The following HAP1 variants were observed in gnomAD, a reference collection of about 807,000 sequenced individuals.
The protein encoded by HAP1 is huntingtin associated protein 1.
In HAP1, 59 loss-of-function variants were observed where a neutral mutation model predicts 60.3. The ratio of observed to expected loss-of-function variants is 0.98; its 90% CI spans 0.79 to 1.22. The LOEUF (loss-of-function observed/expected upper bound fraction) is 1.22, where lower values mean the gene tolerates loss of function less well. Ranked by LOEUF, HAP1 falls within the 50% of genes most tolerant of loss-of-function variation. The pLI, the probability that HAP1 is intolerant of heterozygous loss-of-function variation, is 0.00. For missense variants in HAP1, 825 were observed against 785.3 expected (o/e 1.05, Z -0.60); for synonymous variants, 346 against 330.6 (o/e 1.05, Z -0.50).
At chr17:41,727,946 G>T in intron 7 of HAP1, 110 bp from the exon 8 acceptor site, 3 of 746,190 alleles carry the variant, frequency 4.0e-6, no homozygotes, top group East Asian at 2.5e-5. Flanking sequence ...GGCAGCCCAT[G>T]AAATGACAAG....
chr17:41,732,615 C>G, intron 2 of HAP1, 104 bp downstream of exon 2: 1 of 1,161,366 alleles, frequency 8.6e-7, no homozygotes, highest in Non-Finnish European at 1.3e-6. Flanking sequence ...GGACCCTAAC[C>G]TGGGGCCCCA....
At position 41,725,129 on chromosome 17, in the gene HAP1, G is replaced by C; in HGVS notation, c.1432C>G (p.Arg478Gly). 11 of 1,597,504 alleles carry C rather than the reference G, an allele frequency of 6.9e-6. No individual in the cohort carries two copies. The highest frequency in any genetic ancestry group is 8.5e-6 in the Non-Finnish European group (10 of 1,170,382). ...LRYDFRYSEDREQVRGFEAEE... is the reference protein window; with the variant it reads ...LRYDFRYSEDGEQVRGFEAEE... Reference sequence around the variant, plus strand: ...GCCTCAAACCCCCGCACCTGCTCTCGATCCTCACTGTAGCGAAAATCATAC... The same window carrying C: ...GCCTCAAACCCCCGCACCTGCTCTCCATCCTCACTGTAGCGAAAATCATAC... Residue 478 changes from arginine (R) to glycine (G), a missense_variant, in exon 11 of 11, where the codon CGA (arginine) becomes GGA (glycine). Coordinates refer to ENST00000347901, the MANE Select transcript of HAP1 (RefSeq NM_177977.3).
In HAP1 at chr17:41,733,041, TTTTTTTTTTTTGG is replaced by T. The variant is rs1463176150; in HGVS notation, c.470-256_470-244del. On this transcript the variant is annotated intron_variant, in intron 1 of 10. Coordinates refer to ENST00000347901, the MANE Select transcript of HAP1 (RefSeq NM_177977.3). ...TTAGGTTTTTGGGTTTTTTTTGGTT[TTTTTTTTTTTTGG>T]TTTTTTTTTTTTTTTAGACAAAGCC... Among the ~76,000 whole-genome samples, 147 of 92,886 alleles carry T rather than the reference TTTTTTTTTTTTGG, an allele frequency of 1.6e-3. 3 individuals carry two copies. Among genetic ancestry groups the T allele is most frequent in the African/African-American group, 6.3e-3 (138 of 22,066 alleles). 60.9% of individuals were successfully genotyped at this position (92,886 alleles called of 152,430 possible). A position where few individuals can be genotyped will look rare whatever the true frequency, so the allele number is the denominator to read the frequency against.
intron 6 of HAP1, among the ~76,000 whole-genome samples, chr17:41,728,797 A>G (rs1911892651): frequency 6.6e-6 from 1 of 152,182 alleles, no homozygotes. Flanking sequence ...AGAGGCCATC[A>G]TAAGACACTG....
chr17:41,719,344 C>A (rs1555586588), downstream of HAP1, among the ~76,000 whole-genome samples: 1 of 152,046 alleles, frequency 6.6e-6, no homozygotes, highest in Non-Finnish European at 1.5e-5. Flanking sequence ...TTGAATGGAC[C>A]ATTTTATGTA....
At chr17:41,729,975 G>A (rs1912013706) in intron 6 of HAP1, among the ~76,000 whole-genome samples, 1 of 134,274 alleles carries the variant, frequency 7.4e-6, no homozygotes, top group South Asian at 2.7e-4. Context: ...GGAGGCAGGG[G>A]TTGCAGTGAG....
At chr17:41,732,197 TG>T in intron 3 of HAP1, 32 bp downstream of exon 3, 1 of 1,608,818 alleles carries the variant, frequency 6.2e-7, no homozygotes, top group East Asian at 2.2e-5. Context: ...AGGTGTAGAT[TG>T]GCCCGCTATC....
At chr17:41,727,193 AC>A (rs1456941255) in intron 8 of HAP1, 49 bp from the exon 9 acceptor site, 4 of 967,534 alleles carry the variant, frequency 4.1e-6, no homozygotes, top group Non-Finnish European at 6.8e-6. Flanking sequence ...CAGAACCCCC[AC>A]CCATAGGCTC....
intron 2 of HAP1, 113 bp downstream of exon 2, chr17:41,732,606 G>A: frequency 9.7e-7 from 1 of 1,029,434 alleles, no homozygotes; most frequent in Admixed American, 1.7e-5. Flanking sequence ...CCATAAGAAG[G>A]ACCCTAACCT....
chr17:41,727,710 T>C, intron 8 of HAP1, 52 bp downstream of exon 8: 2 of 1,266,850 alleles, frequency 1.6e-6, no homozygotes, highest in Non-Finnish European at 2.3e-6. Context: ...GGGTCCCCAC[T>C]CTGGGCCAGC....
Position 41,725,160 on chromosome 17 carries a change from C to T in HAP1, c.1407-6G>A, listed in dbSNP as rs567118544. On this transcript the variant is annotated splice_region_variant and splice_polypyrimidine_tract_variant and intron_variant, in intron 10 of 10. Coordinates refer to ENST00000347901, the MANE Select transcript of HAP1 (RefSeq NM_177977.3). ...CACTGTAGCGAAAATCATACCTGGG[C>T]GGGAGATAGCGACATCTTTTGAGGG... 8.3e-6 allele frequency: 13 copies of T among 1,560,492 alleles called. No individual in the cohort carries two copies. The highest frequency in any genetic ancestry group is 4.5e-5 in the East Asian group (2 of 44,324).
At chr17:41,731,440 C>T in intron 6 of HAP1, 53 bp downstream of exon 6, 1 of 1,265,982 alleles carries the variant, frequency 7.9e-7, no homozygotes, top group South Asian at 1.2e-5. Flanking sequence ...ATCTTGAGTT[C>T]TTTTCTCTGC....
At chr17:41,733,594 A>G (rs376333581) in intron 1 of HAP1, among the ~76,000 whole-genome samples, 1 of 151,910 alleles carries the variant, frequency 6.6e-6, no homozygotes, top group Non-Finnish European at 1.5e-5. Context: ...GCGTGTGCAG[A>G]GGACAGGAGG....
chr17:41,732,609 C>A, intron 2 of HAP1, 110 bp downstream of exon 2: 1 of 1,095,342 alleles, frequency 9.1e-7, no homozygotes. Flanking sequence ...TAAGAAGGAC[C>A]CTAACCTGGG....
rs782362544 is a variant in HAP1 at position 41,725,066 on chromosome 17, C to G, written c.1495G>C (p.Gly499Arg). 7 of 1,612,530 alleles carry G rather than the reference C, an allele frequency of 4.3e-6. No individual in the cohort carries two copies. The East Asian group carries it at 1.3e-4, about 31-fold the overall frequency. The change falls in exon 11 of 11, where the codon GGG (glycine) becomes CGG (arginine). Residue 499 changes from glycine to arginine, a missense_variant. By Grantham distance (125) the Gly-to-Arg change is moderately radical (BLOSUM62 -2). Transcript: ENST00000347901. The part of the protein sequence containing the change: ...GLMLAADIMR[G>R]EDFTPAEEFV... Reference sequence around the variant, plus strand: ...TCCTCCGCAGGCGTGAAATCTTCCCCCCGCATGATATCCGCTGCCAGCATC... The same window carrying G: ...TCCTCCGCAGGCGTGAAATCTTCCCGCCGCATGATATCCGCTGCCAGCATC...
Position 41,734,629 on chromosome 17 carries a change from G to A in HAP1, c.6C>T (p.Arg2=), listed in dbSNP as rs1470696841. 8 of 1,511,348 alleles carry A rather than the reference G, an allele frequency of 5.3e-6. No individual in the cohort carries two copies. Among genetic ancestry groups the A allele is most frequent in the Admixed American group, 2.1e-5 (1 of 47,934 alleles). 93.6% of individuals were successfully genotyped at this position (1,511,348 alleles called of 1,614,324 possible). The change falls in exon 1 of 11, where the codon CGC becomes CGT. Residue 2 remains arginine (R), a synonymous_variant. Transcript: ENST00000347901. M[R]PKRLGRCCAG... is the part of the protein sequence containing the mutation. ...CGCAGCACCGGCCCAACCTCTTCGG[G>A]CGCATCTCGAGTCTGCCGTCCGCTG...
At chr17:41,720,287 C>G (rs1279166030), downstream of HAP1, among the ~76,000 whole-genome samples, 4 of 151,824 alleles carry the variant, frequency 2.6e-5, no homozygotes, top group Non-Finnish European at 5.9e-5. Context: ...CCTCCGCCTC[C>G]CAGGTGCAAG....
chr17:41,730,648 G>A (rs1378516390), intron 6 of HAP1, among the ~76,000 whole-genome samples: 5 of 152,190 alleles, frequency 3.3e-5, no homozygotes, highest in African/African-American at 7.2e-5. Context: ...CAGGAAGGAA[G>A]GTCAGTTCTG....
intron 6 of HAP1, 59 bp from the exon 7 acceptor site, chr17:41,728,390 G>C: frequency 6.4e-7 from 1 of 1,552,974 alleles, no homozygotes; most frequent in Non-Finnish European, 8.8e-7. Context: ...GACCAGCTCT[G>C]GCCCTCCCAG....
Sources: gnomAD v4.1 joint callset for allele counts (sites outside exome capture counted in the v4.1 genomes callset) on GRCh38, gnomAD v4.1.1 for gene constraint, MANE v1.5 for transcripts, NCBI Gene and HGNC (gene_info 2026-07-23, HGNC 2026-07-21) for gene names.